IL1RAPL1: variants seen among roughly 807,000 people sequenced by gnomAD.
The protein encoded by IL1RAPL1 is interleukin-1 receptor accessory protein-like 1.
A neutral mutation model predicts 48.4 loss-of-function variants in IL1RAPL1; 3 were observed. The observed-to-expected ratio is 0.06, with a 90% CI of 0.03 to 0.16. IL1RAPL1 has a LOEUF of 0.16. IL1RAPL1 is among the 10% of genes least tolerant of loss of function. The pLI, the probability that IL1RAPL1 is intolerant of heterozygous loss-of-function variation, is 1.00. For synonymous variants in IL1RAPL1, 185 were observed against 187.7 expected (o/e 0.99, Z 0.12); for missense variants, 349 against 530.6 (o/e 0.66, Z 3.36).
intron 3 of IL1RAPL1, among the ~76,000 whole-genome samples, chrX:29,327,896 A>T (rs1392393356): frequency 9.0e-6 from 1 of 111,514 alleles, no homozygotes; most frequent in Non-Finnish European, 1.9e-5. Context: ...ATATGTAAAC[A>T]AATAGGTATG....
chrX:29,175,631 G>A (rs763687910), intron 2 of IL1RAPL1, among the ~76,000 whole-genome samples: 1 of 109,400 alleles, frequency 9.1e-6, no homozygotes, highest in African/African-American at 3.3e-5. Flanking sequence ...AGGATCATGA[G>A]GTCAGGAATT....
chrX:29,762,536 G>T (rs1928777661), intron 6 of IL1RAPL1, among the ~76,000 whole-genome samples: 1 of 111,366 alleles, frequency 9.0e-6, no homozygotes, highest in African/African-American at 3.3e-5. Context: ...AGTCTCAAAA[G>T]GAAGAGAGGG....
intron 5 of IL1RAPL1, among the ~76,000 whole-genome samples, chrX:29,606,758 AT>A (rs375579291): frequency 0.049 from 5,212 of 106,985 alleles, 125 homozygotes; most frequent in Middle Eastern, 0.15. Context: ...GTGGTACTAG[AT>A]TTTTTTTTTT....
intron 1 of IL1RAPL1, among the ~76,000 whole-genome samples, chrX:28,691,142 T>C (rs926919516): frequency 9.0e-6 from 1 of 110,577 alleles, no homozygotes; most frequent in Non-Finnish European, 1.9e-5. Flanking sequence ...AGCAAAAACT[T>C]CCTCTTCAGC....
At chrX:29,598,127 T>C (rs761079583) in intron 5 of IL1RAPL1, among the ~76,000 whole-genome samples, 1 of 112,229 alleles carries the variant, frequency 8.9e-6, no homozygotes, top group Admixed American at 9.4e-5. Context: ...GATTGTCTGT[T>C]TGTGCTCTCG....
intron 9 of IL1RAPL1, among the ~76,000 whole-genome samples, chrX:29,948,831 G>T (rs1471223747): frequency 1.5e-5 from 1 of 67,784 alleles, no homozygotes; most frequent in East Asian, 4.5e-4. Context: ...ATATACTTGA[G>T]AACAAAAAAA....
At chrX:29,661,450 G>A (rs774992409) in intron 5 of IL1RAPL1, among the ~76,000 whole-genome samples, 1 of 112,252 alleles carries the variant, frequency 8.9e-6, no homozygotes, top group South Asian at 3.7e-4. Flanking sequence ...GTGAAGGATA[G>A]TAGAGATTAG....
In IL1RAPL1 at chrX:29,067,941, T is replaced by A. The variant is rs1163202972; in HGVS notation, c.83-214997T>A. On this transcript the variant is annotated intron_variant, in intron 2 of 10. Coordinates refer to ENST00000378993, the MANE Select transcript of IL1RAPL1 (RefSeq NM_014271.4). ...AGAAATTTGAGTTCTACAAAACTTA[T>A]TGCTGAATGAGGTATAGATTTGGAT... 3.6e-5 allele frequency among the ~76,000 whole-genome samples: 4 copies of A among 112,135 alleles called. No individual in the cohort carries two copies. In the East Asian group the frequency reaches 1.1e-3, roughly 31 times the overall value.
chrX:28,672,495 G>A (rs906709940), intron 1 of IL1RAPL1, among the ~76,000 whole-genome samples: 27 of 111,321 alleles, frequency 2.4e-4, no homozygotes, highest in African/African-American at 5.6e-4. Flanking sequence ...CTTTCACAGC[G>A]GAGTCTACCA....
chrX:28,880,252 G>A (rs1262983226), intron 2 of IL1RAPL1, among the ~76,000 whole-genome samples: 1 of 112,248 alleles, frequency 8.9e-6, no homozygotes, highest in Non-Finnish European at 1.9e-5. Flanking sequence ...GTGAAATTAG[G>A]ACATCTAGAG....
intron 2 of IL1RAPL1, among the ~76,000 whole-genome samples, chrX:28,861,784 C>T (rs1023362429): frequency 9.0e-6 from 1 of 111,604 alleles, no homozygotes. Context: ...GCCCTTTCCA[C>T]TGTCTCAAAA....
At chrX:28,998,043 T>G (rs913328183) in intron 2 of IL1RAPL1, among the ~76,000 whole-genome samples, 1 of 112,159 alleles carries the variant, frequency 8.9e-6, no homozygotes, top group Non-Finnish European at 1.9e-5. Context: ...GGACGACTTT[T>G]CCCAGGCAAG....
chrX:29,806,599 T>G (rs1354138907), intron 6 of IL1RAPL1, among the ~76,000 whole-genome samples: 2 of 110,379 alleles, frequency 1.8e-5, no homozygotes, highest in Non-Finnish European at 3.8e-5. Context: ...TAGTACTAAC[T>G]TCAGGTGAGC....
intron 1 of IL1RAPL1, among the ~76,000 whole-genome samples, chrX:28,594,431 G>A (rs768733424): frequency 2.7e-4 from 30 of 111,926 alleles, no homozygotes; most frequent in African/African-American, 9.7e-4. Flanking sequence ...AAATAAAAAT[G>A]AATTATTATA....
At chrX:29,541,432 A>G (rs1477258149) in intron 5 of IL1RAPL1, among the ~76,000 whole-genome samples, 5 of 111,875 alleles carry the variant, frequency 4.5e-5, no homozygotes, top group African/African-American at 1.3e-4. Flanking sequence ...ATTACTAGGT[A>G]TATAGCCAAA....
At position 29,434,742 on chromosome X, in the gene IL1RAPL1, T is replaced by C. The variant is rs1207993558; in HGVS notation, c.703+35434T>C. On this transcript the variant is annotated intron_variant, in intron 5 of 10. Transcript: ENST00000378993. ...GTATTTCATTATACCTTACAGAGTA[T>C]ACTTAAAAATACTCATCAATTATTG... Among the ~76,000 whole-genome samples, 3 of 111,345 alleles carry C rather than the reference T, an allele frequency of 2.7e-5. No homozygotes were observed. In the East Asian group the frequency reaches 8.3e-4, roughly 31 times the overall value.
At chrX:29,918,144 A>AATATATATAT (rs748970921) in intron 7 of IL1RAPL1, among the ~76,000 whole-genome samples, 83 of 23,703 alleles carry the variant, frequency 3.5e-3, no homozygotes, top group African/African-American at 8.7e-3. Context: ...AAAAAAAAAA[A>AATATATATAT]ATATATATAT....
chrX:29,753,379 A>G (rs1182443982), intron 6 of IL1RAPL1, among the ~76,000 whole-genome samples: 1 of 111,783 alleles, frequency 8.9e-6, no homozygotes, highest in Non-Finnish European at 1.9e-5. Context: ...CCAACATTTA[A>G]TGACCTGAAT....
intron 2 of IL1RAPL1, among the ~76,000 whole-genome samples, chrX:28,964,836 A>C (rs184039989): frequency 9.0e-6 from 1 of 110,587 alleles, no homozygotes; most frequent in African/African-American, 3.3e-5. Context: ...TTTTTTCTCT[A>C]AGGTTTGGGA....
Sources: allele counts gnomAD v4.1 joint callset (sites outside exome capture counted in the v4.1 genomes callset), GRCh38; gene constraint gnomAD v4.1.1; transcripts MANE v1.5; gene names NCBI Gene and HGNC (gene_info 2026-07-23, HGNC 2026-07-21).